The following TENM2 variants were observed in gnomAD, a reference collection of about 807,000 sequenced individuals.
TENM2 encodes teneurin-2.
Under a neutral mutation model 245.2 loss-of-function variants are expected in TENM2, and 52 were observed. The ratio of observed to expected loss-of-function variants is 0.21; its 90% confidence interval spans 0.17 to 0.27. TENM2 has a LOEUF of 0.27. Among genes scored for constraint, TENM2 ranks in the 10% least tolerant of loss-of-function variants. TENM2 has a pLI of 1.00. For synonymous variants in TENM2, 1,363 were observed against 1,438.9 expected, an observed-to-expected ratio of 0.95 and a Z score of 1.19; for missense variants, 3,046 against 3,666.8, an observed-to-expected ratio of 0.83 and a Z score of 4.37.
intron 2 of TENM2, among the ~76,000 whole-genome samples, chr5:167,508,819 T>C (rs990141997): frequency 2.6e-5 from 4 of 152,174 alleles, no homozygotes; most frequent in African/African-American, 9.7e-5. Flanking sequence ...ATCTGACATA[T>C]CTTTTAATAT....
At chr5:167,762,285 T>C (rs1439128390) in intron 2 of TENM2, among the ~76,000 whole-genome samples, 2 of 152,206 alleles carry the variant, frequency 1.3e-5, no homozygotes, top group Non-Finnish European at 1.5e-5. Flanking sequence ...CCAAAGACCT[T>C]TGTTTCACTC....
chr5:168,072,440 T>C (rs1366498820), intron 7 of TENM2, among the ~76,000 whole-genome samples: 3 of 152,184 alleles, frequency 2.0e-5, no homozygotes, highest in Non-Finnish European at 4.4e-5. Flanking sequence ...AGATGAAATA[T>C]AAAATCAATC....
At chr5:168,184,168 A>G (rs1760186068) in intron 13 of TENM2, among the ~76,000 whole-genome samples, 2 of 152,136 alleles carry the variant, frequency 1.3e-5, no homozygotes, top group South Asian at 4.1e-4. Flanking sequence ...GTCAGAGAGT[A>G]CTCTTCAAAG....
the TENM2 span, among the ~76,000 whole-genome samples, chr5:167,093,095 A>G: frequency 5.9e-5 from 9 of 152,078 alleles, no homozygotes; most frequent in Non-Finnish European, 1.3e-4. Context: ...AAAATATGGG[A>G]GAGTCCTAAA....
the TENM2 span, among the ~76,000 whole-genome samples, chr5:167,145,000 C>G: frequency 6.6e-6 from 1 of 152,170 alleles, no homozygotes; most frequent in South Asian, 2.1e-4. Flanking sequence ...GCAGTGGCTG[C>G]AGGCATTCCT....
chr5:166,997,158 T>C, the TENM2 span, among the ~76,000 whole-genome samples: 1 of 152,040 alleles, frequency 6.6e-6, no homozygotes, highest in East Asian at 1.9e-4. Context: ...AACAAAAACA[T>C]CTGCCCACCA....
intron 7 of TENM2, among the ~76,000 whole-genome samples, chr5:168,076,341 T>C (rs1393340928): frequency 6.6e-6 from 1 of 151,898 alleles, no homozygotes; most frequent in Non-Finnish European, 1.5e-5. Context: ...TTCTCCTGCC[T>C]CAGCCTCCTG....
intron 2 of TENM2, among the ~76,000 whole-genome samples, chr5:167,425,897 A>G (rs1191373064): frequency 6.6e-6 from 1 of 152,188 alleles, no homozygotes; most frequent in Non-Finnish European, 1.5e-5. Flanking sequence ...TGCTGGTAAT[A>G]CTGTCGTTAG....
intron 2 of TENM2, among the ~76,000 whole-genome samples, chr5:167,646,042 C>T (rs1041090411): frequency 3.3e-5 from 5 of 151,098 alleles, no homozygotes; most frequent in African/African-American, 1.2e-4. Context: ...TTATATTACC[C>T]ACCTAGCTCC....
intron 2 of TENM2, among the ~76,000 whole-genome samples, chr5:167,462,922 A>T (rs569314627): frequency 3.9e-5 from 6 of 152,094 alleles, no homozygotes; most frequent in African/African-American, 1.4e-4. Flanking sequence ...GTCTTTATCA[A>T]TTCTATAGGG....
In TENM2 at chr5:168,034,063, A is replaced by G. The variant is rs533009569; in HGVS notation, c.1187-13364A>G. Reference sequence around the variant, plus strand: ...TATATGTGTGTGTATATATATATATATGTGTATATATATGTATACATATAT... The same window carrying G: ...TATATGTGTGTGTATATATATATATGTGTGTATATATATGTATACATATAT... On this transcript the variant is annotated intron_variant, in intron 5 of 28. Coordinates refer to ENST00000518659, the Ensembl canonical transcript of TENM2. Among the ~76,000 whole-genome samples, 878 of 110,466 alleles carry G rather than the reference A, an allele frequency of 7.9e-3. 6 individuals are homozygous for G. The highest frequency in any genetic ancestry group is 0.019 in the African/African-American group (541 of 27,860). 72.5% of individuals were successfully genotyped at this position (110,466 alleles called of 152,430 possible).
chr5:167,528,091 C>CT (rs1554169932), intron 2 of TENM2, among the ~76,000 whole-genome samples: 1 of 152,060 alleles, frequency 6.6e-6, no homozygotes, highest in Admixed American at 6.6e-5. Flanking sequence ...TTCATATTGC[C>CT]TTTTTTTAAG....
chr5:167,033,515 G>A, the TENM2 span, among the ~76,000 whole-genome samples: 1 of 152,204 alleles, frequency 6.6e-6, no homozygotes, highest in African/African-American at 2.4e-5. Flanking sequence ...TAGCACTGAT[G>A]AGTGGCCTTT....
intron 2 of TENM2, among the ~76,000 whole-genome samples, chr5:167,462,174 G>GCCCCCC (rs1185837325): frequency 1.7e-5 from 1 of 58,932 alleles, no homozygotes; most frequent in East Asian, 6.6e-4. Context: ...AGAGTTCCCT[G>GCCCCCC]ACCCCCACCC....
rs1012785726 is a variant in TENM2, at chr5:167,375,332, G to A, written c.361G>A (p.Gly121Arg). 3 of 1,551,566 alleles carry A rather than the reference G, an allele frequency of 1.9e-6. No individual in the cohort carries two copies. In the African/African-American group the frequency reaches 4.1e-5, roughly 21 times the overall value. ...GTCTGACGCCGACTCCGACACCGAGGGAGGGATGTCTCCAGAACACGCCAT... is the reference window on the plus strand; with the variant it reads ...GTCTGACGCCGACTCCGACACCGAGAGAGGGATGTCTCCAGAACACGCCAT... The change falls in exon 2 of 29, where the codon GGA becomes AGA. Residue 121 changes from glycine to arginine, a missense_variant. Around this residue, in one of 2 missense-constraint regions of TENM2, gnomAD observed 342 missense variants for 335.0 expected, o/e 1.02. Transcript: ENST00000518659.
intron 2 of TENM2, among the ~76,000 whole-genome samples, chr5:167,741,684 T>C (rs991891385): frequency 6.6e-6 from 1 of 152,192 alleles, no homozygotes; most frequent in Non-Finnish European, 1.5e-5. Flanking sequence ...GTTCAGCGAC[T>C]CAGTCTACCT....
At chr5:167,150,781 C>A in the TENM2 span, among the ~76,000 whole-genome samples, 1 of 152,124 alleles carries the variant, frequency 6.6e-6, no homozygotes, top group Non-Finnish European at 1.5e-5. Context: ...CAACCTAGAG[C>A]CTGGATAACA....
the TENM2 span, among the ~76,000 whole-genome samples, chr5:167,134,494 G>T: frequency 6.6e-6 from 1 of 152,178 alleles, no homozygotes; most frequent in African/African-American, 2.4e-5. Context: ...ACATACACTC[G>T]TTACATTCTA....
intron 3 of TENM2, among the ~76,000 whole-genome samples, chr5:167,941,003 C>T (rs749357496): frequency 2.6e-5 from 4 of 152,176 alleles, no homozygotes; most frequent in Non-Finnish European, 5.9e-5. Context: ...TCCCTCTCTA[C>T]ATTATGGGAT....
Sources: gnomAD v4.1 joint callset for allele counts (sites outside exome capture counted in the v4.1 genomes callset) on GRCh38, gnomAD v4.1.1 for gene constraint, gnomAD v4.1.1 regional missense constraint, MANE v1.5 for transcripts, NCBI Gene and HGNC (gene_info 2026-07-23, HGNC 2026-07-21) for gene names.